KCNIP1: variants seen among roughly 807,000 people sequenced by gnomAD.
KCNIP1 encodes A-type potassium channel modulatory protein KCNIP1.
A neutral mutation model predicts 33.0 loss-of-function variants in KCNIP1; 18 were observed. The ratio of observed to expected loss-of-function variants is 0.55; its 90% CI spans 0.38 to 0.81. The LOEUF is 0.81. Among genes scored for constraint, KCNIP1 ranks in the 30% least tolerant of loss-of-function variants. The pLI, the probability that KCNIP1 is intolerant of heterozygous loss-of-function variation, is 0.00. For missense variants in KCNIP1, 238 were observed against 271.6 expected, an observed-to-expected ratio of 0.88 and a Z score of 0.87; for synonymous variants, 93 against 98.3, an observed-to-expected ratio of 0.95 and a Z score of 0.32.
intron 5 of KCNIP1, among the ~76,000 whole-genome samples, chr5:170,726,721 G>A (rs535791168): frequency 6.6e-5 from 9 of 136,716 alleles, no homozygotes; most frequent in Non-Finnish European, 1.4e-4. Flanking sequence ...GCAACATGGC[G>A]AGACACTGTC....
intron 1 of KCNIP1, among the ~76,000 whole-genome samples, chr5:170,397,240 C>A (rs987219820): frequency 1.2e-4 from 18 of 152,150 alleles, no homozygotes; most frequent in African/African-American, 4.1e-4. Context: ...GTCAATCAAG[C>A]GGCTTAGCAT....
chr5:170,468,826 G>A (rs541987409), intron 1 of KCNIP1, among the ~76,000 whole-genome samples: 37 of 151,844 alleles, frequency 2.4e-4, no homozygotes, highest in African/African-American at 8.2e-4. Flanking sequence ...GCAGTGAGCC[G>A]AGATCGCGCC....
In KCNIP1 at chr5:170,598,346, G is replaced by A. The variant is rs867126953; in HGVS notation, c.61+93713G>A. On this transcript the variant is annotated intron_variant, in intron 1 of 7. Coordinates refer to ENST00000328939, the MANE Select transcript of KCNIP1 (RefSeq NM_014592.4). ...CAGGAACCAGGAAAGGAGGTGGCAG[G>A]TCAGAGAGAAGGCACTGAAAAGGGT... Among the ~76,000 whole-genome samples, 4 of 152,140 alleles carry A rather than the reference G, an allele frequency of 2.6e-5. No homozygotes were observed. In the East Asian group the frequency reaches 7.7e-4, roughly 29 times the overall value.
intron 1 of KCNIP1, among the ~76,000 whole-genome samples, chr5:170,515,471 T>C (rs1755087582): frequency 1.3e-5 from 2 of 152,228 alleles, no homozygotes; most frequent in Admixed American, 6.5e-5. Flanking sequence ...ATTAGAGTTA[T>C]GTTGGACACA....
At chr5:170,375,976 C>T (rs989927606) in intron 1 of KCNIP1, 1 of 152,202 alleles carries the variant, frequency 6.6e-6, no homozygotes, top group Non-Finnish European at 1.5e-5. Context: ...CATACTTAGC[C>T]ACTGTCCTCT....
At chr5:170,451,723 T>C (rs112225688) in intron 1 of KCNIP1, among the ~76,000 whole-genome samples, 48 of 122,970 alleles carry the variant, frequency 3.9e-4, no homozygotes, top group South Asian at 2.7e-3. Flanking sequence ...TTCTCCTGCA[T>C]TGTGTGTGTG....
intron 1 of KCNIP1, among the ~76,000 whole-genome samples, chr5:170,602,718 G>T (rs190293329): frequency 6.6e-6 from 1 of 152,320 alleles, no homozygotes; most frequent in Admixed American, 6.5e-5. Flanking sequence ...CATCACCACA[G>T]GCTCCTTGCC....
intron 1 of KCNIP1, among the ~76,000 whole-genome samples, chr5:170,430,712 T>C (rs1430127141): frequency 6.6e-6 from 1 of 152,150 alleles, no homozygotes; most frequent in Non-Finnish European, 1.5e-5. Flanking sequence ...AGGACAGAGC[T>C]GGGAAAGAGT....
chr5:170,408,205 G>C (rs1303843646), intron 1 of KCNIP1, among the ~76,000 whole-genome samples: 1 of 152,160 alleles, frequency 6.6e-6, no homozygotes, highest in East Asian at 1.9e-4. Flanking sequence ...GGAATTGTTA[G>C]ATAAAAGATG....
At chr5:170,463,189 C>T (rs1021102182) in intron 1 of KCNIP1, among the ~76,000 whole-genome samples, 1 of 152,112 alleles carries the variant, frequency 6.6e-6, no homozygotes, top group African/African-American at 2.4e-5. Context: ...CATTTTAAAA[C>T]TTCCCACAAA....
intron 1 of KCNIP1, among the ~76,000 whole-genome samples, chr5:170,550,638 GACA>G: frequency 6.6e-6 from 1 of 152,052 alleles, no homozygotes; most frequent in African/African-American, 2.4e-5. Context: ...TGATGGTGAT[GACA>G]ATGATGGTAA....
chr5:170,605,770 CTT>C (rs766469605), intron 1 of KCNIP1, among the ~76,000 whole-genome samples: 15,799 of 101,594 alleles, frequency 0.16, 671 homozygotes, highest in Middle Eastern at 0.27. Context: ...CAACCCTGTT[CTT>C]TTTTTTTTTT....
intron 1 of KCNIP1, among the ~76,000 whole-genome samples, chr5:170,598,416 C>A (rs565361550): frequency 6.6e-6 from 1 of 152,282 alleles, no homozygotes; most frequent in South Asian, 2.1e-4. Flanking sequence ...AGCTGGACAC[C>A]TGGCTGTGGT....
chr5:170,641,972 T>C (rs1423936946), intron 1 of KCNIP1: 1 of 152,322 alleles, frequency 6.6e-6, no homozygotes, highest in African/African-American at 2.4e-5. Flanking sequence ...CCCGGCTCTG[T>C]CGCCCTTCCC....
intron 1 of KCNIP1, among the ~76,000 whole-genome samples, chr5:170,560,898 C>T (rs1561687387): frequency 6.6e-6 from 1 of 152,140 alleles, no homozygotes; most frequent in Non-Finnish European, 1.5e-5. Context: ...ACTCCTTCCT[C>T]CCCAGATTCT....
intron 1 of KCNIP1, among the ~76,000 whole-genome samples, chr5:170,435,930 G>T (rs112986612): frequency 1.3e-5 from 2 of 151,978 alleles, no homozygotes; most frequent in Non-Finnish European, 2.9e-5. Context: ...CTTAAGCCAG[G>T]GCCTGCAAAT....
At chr5:170,547,381 T>A (rs1756453705) in intron 1 of KCNIP1, among the ~76,000 whole-genome samples, 1 of 152,166 alleles carries the variant, frequency 6.6e-6, no homozygotes, top group Non-Finnish European at 1.5e-5. Context: ...TTTTAACTTT[T>A]ATTTTAAGTT....
chr5:170,680,952 A>C (rs755659935), intron 1 of KCNIP1: 8 of 398,136 alleles, frequency 2.0e-5, no homozygotes, highest in Non-Finnish European at 3.1e-5. Context: ...AGAGGAAGGC[A>C]GACTGGTGGA....
At chr5:170,694,136 C>A (rs986553409) in intron 1 of KCNIP1, among the ~76,000 whole-genome samples, 25 of 152,154 alleles carry the variant, frequency 1.6e-4, no homozygotes, top group Middle Eastern at 3.2e-3. Context: ...CCTTGCCTCA[C>A]CACTGCCCAC....
Sources: gnomAD v4.1 joint callset for allele counts (sites outside exome capture counted in the v4.1 genomes callset) on GRCh38, gnomAD v4.1.1 for gene constraint, MANE v1.5 for transcripts, NCBI Gene and HGNC (gene_info 2026-07-23, HGNC 2026-07-21) for gene names.